INPP4B: variants seen among roughly 807,000 people sequenced by gnomAD.
INPP4B encodes inositol polyphosphate 4-phosphatase type II.
Under a neutral mutation model 122.5 loss-of-function variants are expected in INPP4B, and 55 were observed. The ratio of observed to expected loss-of-function variants is 0.45; its 90% CI spans 0.36 to 0.56. The LOEUF is 0.56. Among genes scored for constraint, INPP4B ranks in the 20% least tolerant of loss-of-function variants. The pLI, the probability that INPP4B is intolerant of heterozygous loss-of-function variation, is 0.00. For missense variants in INPP4B, 1,000 were observed against 1,097.7 expected (o/e 0.91, Z 1.26); for synonymous variants, 403 against 388.7 (o/e 1.04, Z -0.43).
chr4:142,690,634 G>A (rs909454734), intron 2 of INPP4B, among the ~76,000 whole-genome samples: 1 of 152,126 alleles, frequency 6.6e-6, no homozygotes, highest in Non-Finnish European at 1.5e-5. Flanking sequence ...GAGAACTGCT[G>A]GAGAACTGGC....
intron 1 of INPP4B, among the ~76,000 whole-genome samples, chr4:142,754,980 T>C (rs1425722600): frequency 6.6e-6 from 1 of 152,026 alleles, no homozygotes; most frequent in Non-Finnish European, 1.5e-5. Context: ...TAGACCTGCC[T>C]CATATTGCAC....
intron 1 of INPP4B, among the ~76,000 whole-genome samples, chr4:142,800,450 T>C (rs1777859169): frequency 6.6e-6 from 1 of 152,166 alleles, no homozygotes; most frequent in Admixed American, 6.5e-5. Context: ...ATAATGATTT[T>C]TGCATGGCAT....
At chr4:142,298,033 C>T (rs13120882) in intron 9 of INPP4B, among the ~76,000 whole-genome samples, 33,216 of 151,988 alleles carry the variant, frequency 0.22, 4,905 homozygotes, top group African/African-American at 0.42. Context: ...TGACTAAGCT[C>T]GGACTTGCAC....
intron 2 of INPP4B, among the ~76,000 whole-genome samples, chr4:142,574,929 G>A (rs935543113): frequency 2.0e-5 from 3 of 152,096 alleles, no homozygotes; most frequent in Non-Finnish European, 2.9e-5. Flanking sequence ...GTGACTGGGT[G>A]AGGAAATGCC....
At position 142,372,315 on chromosome 4, in the gene INPP4B, A is replaced by G. The variant is rs574952214; in HGVS notation, c.372+30623T>C. On this transcript the variant is annotated intron_variant, in intron 7 of 25. Coordinates refer to ENST00000262992, the MANE Select transcript of INPP4B (RefSeq NM_001101669.3). Reference sequence around the variant, plus strand: ...TTTATAGATACACACATGCAGTTACATAGAAGGAATTAGTTATAGTGTTCA... The same window carrying G: ...TTTATAGATACACACATGCAGTTACGTAGAAGGAATTAGTTATAGTGTTCA... 2.4e-4 allele frequency among the ~76,000 whole-genome samples: 37 copies of G among 152,180 alleles called. 1 individual carries two copies. Among genetic ancestry groups the G allele is most frequent in the African/African-American group, 8.2e-4 (34 of 41,562 alleles).
At position 142,036,742 on chromosome 4, in the gene INPP4B, A is replaced by G. The variant is rs1475508786; in HGVS notation, c.2643-7828T>C. Among the ~76,000 whole-genome samples the G allele has an allele frequency of 3.9e-5, 6 of 152,368 alleles. No individual in the cohort carries two copies. The East Asian group carries it at 1.2e-3, about 29-fold the overall frequency. On this transcript the variant is annotated intron_variant, in intron 25 of 25. Coordinates refer to ENST00000262992, the MANE Select transcript of INPP4B (RefSeq NM_001101669.3). ...TTCCATCTCTGGAAATCAGAATAAC[A>G]TATTAAAGATGTCTCACATGTAATC...
rs78551003 is a variant in INPP4B at position 142,307,904 on chromosome 4, G to A, written c.424-2367C>T. ...CTACACATGTCATGAGATTATTGCA[G>A]TCTTTTTGGCAATAAAAGTAGCAAA... is the stretch of plus-strand genomic sequence containing the variant. On this transcript the variant is annotated intron_variant, in intron 8 of 25. Transcript: ENST00000262992. Among the ~76,000 whole-genome samples, 1,223 of 152,240 alleles carry A rather than the reference G, an allele frequency of 8.0e-3. 20 individuals are homozygous for A. Among genetic ancestry groups the A allele is most frequent in the African/African-American group, 0.027 (1,126 of 41,540 alleles).
intron 2 of INPP4B, among the ~76,000 whole-genome samples, chr4:142,655,663 A>T (rs1413204127): frequency 1.3e-5 from 2 of 152,246 alleles, no homozygotes; most frequent in East Asian, 3.8e-4. Context: ...TTATCTGAGT[A>T]TAAAAAAATT....
rs543376249 is a variant in INPP4B, at chr4:142,046,694, T to C, written c.2643-17780A>G. On this transcript the variant is annotated intron_variant, in intron 25 of 25. Transcript: ENST00000262992. ...TAGGTAATTTTAAAATTACTCTGTA[T>C]GTACTGGGGAGGGACATGACTATTT... Among the ~76,000 whole-genome samples, 5 of 152,200 alleles carry C rather than the reference T, an allele frequency of 3.3e-5. No homozygotes were observed. The South Asian group carries it at 1.0e-3, about 32-fold the overall frequency.
intron 17 of INPP4B, among the ~76,000 whole-genome samples, chr4:142,149,551 A>C (rs1004878525): frequency 1.3e-5 from 2 of 152,194 alleles, no homozygotes; most frequent in African/African-American, 2.4e-5. Flanking sequence ...TAAGCAGAAA[A>C]AAAAACAAAA....
At chr4:142,293,422 TA>T (rs539568397) in intron 9 of INPP4B, among the ~76,000 whole-genome samples, 15 of 150,430 alleles carry the variant, frequency 1.0e-4, no homozygotes, top group South Asian at 4.2e-4. Context: ...AGCACAGCAT[TA>T]AAAAAAAAGC....
chr4:142,443,187 A>C (rs1812189672), intron 3 of INPP4B, among the ~76,000 whole-genome samples: 1 of 152,180 alleles, frequency 6.6e-6, no homozygotes, highest in Non-Finnish European at 1.5e-5. Flanking sequence ...GTGGGCTAGC[A>C]TGAGAATATA....
chr4:142,531,447 G>A (rs1308717487), intron 2 of INPP4B, among the ~76,000 whole-genome samples: 1 of 152,114 alleles, frequency 6.6e-6, no homozygotes, highest in Non-Finnish European at 1.5e-5. Context: ...TGAATCATAT[G>A]TAATCAAAAC....
At chr4:142,709,822 C>A (rs1762895793) in intron 2 of INPP4B, among the ~76,000 whole-genome samples, 1 of 152,132 alleles carries the variant, frequency 6.6e-6, no homozygotes, top group South Asian at 2.1e-4. Flanking sequence ...GATCTGTAAC[C>A]CCCTCTATCT....
chr4:142,328,296 A>G (rs1257609029), intron 7 of INPP4B, among the ~76,000 whole-genome samples: 1 of 152,012 alleles, frequency 6.6e-6, no homozygotes, highest in Admixed American at 6.5e-5. Flanking sequence ...CTTCTTTACT[A>G]CAATAAACTA....
intron 17 of INPP4B, among the ~76,000 whole-genome samples, chr4:142,157,347 G>A (rs574120609): frequency 6.6e-6 from 1 of 152,202 alleles, no homozygotes; most frequent in South Asian, 2.1e-4. Flanking sequence ...GAAAGCGGTT[G>A]CTAAGGAAAA....
At chr4:142,509,883 A>T (rs1251135368) in intron 2 of INPP4B, among the ~76,000 whole-genome samples, 2 of 152,216 alleles carry the variant, frequency 1.3e-5, no homozygotes, top group African/African-American at 4.8e-5. Flanking sequence ...ACTTACAGTA[A>T]GCACTCAATA....
At chr4:142,200,984 G>C (rs1840379269) in intron 14 of INPP4B, among the ~76,000 whole-genome samples, 1 of 151,898 alleles carries the variant, frequency 6.6e-6, no homozygotes, top group Admixed American at 6.6e-5. Context: ...CCCTGTCTTT[G>C]TATTTCCTCA....
intron 1 of INPP4B, among the ~76,000 whole-genome samples, chr4:142,807,969 T>C (rs1779058461): frequency 6.6e-6 from 1 of 152,186 alleles, no homozygotes; most frequent in Non-Finnish European, 1.5e-5. Flanking sequence ...GGTGTTTTGA[T>C]TTTCCAACTT....
Sources: gnomAD v4.1 joint callset for allele counts (sites outside exome capture counted in the v4.1 genomes callset) on GRCh38, gnomAD v4.1.1 for gene constraint, MANE v1.5 for transcripts, NCBI Gene and HGNC (gene_info 2026-07-23, HGNC 2026-07-21) for gene names.